WDR62: variants seen among roughly 807,000 people sequenced by gnomAD.
WDR62 encodes WD repeat domain 62.
WDR62 carries 112 observed loss-of-function variants against 160.6 expected under a neutral mutation model. The observed-to-expected ratio is 0.70, with a 90% CI of 0.60 to 0.82. The LOEUF is 0.82. WDR62 is among the 40% of genes least tolerant of loss of function. The pLI, the probability that WDR62 is intolerant of heterozygous loss-of-function variation, is 0.00. For missense variants in WDR62, 1,819 were observed against 1,983.8 expected (o/e 0.92, Z 1.58); for synonymous variants, 792 against 815.1 (o/e 0.97, Z 0.48).
At position 36,103,485 on chromosome 19, in the gene WDR62, G is replaced by A; in HGVS notation, c.3657G>A (p.Glu1219=). ...VHAPSTCSYM[E]ATASSRARIS... is the part of the protein sequence containing the mutation. ...CCCCCTCCACCTGTTCCTACATGGA[G>A]GCCACTGCCAGCTCCCGTGCCAGGA... Residue 1219 remains glutamate (E), a synonymous_variant, in exon 30 of 32, where the codon GAG becomes GAA. Coordinates refer to ENST00000401500, the MANE Select transcript of WDR62 (RefSeq NM_001083961.2). 1.2e-6 allele frequency: 2 copies of A among 1,614,138 alleles called. No individual in the cohort carries two copies. The highest frequency in any genetic ancestry group is 1.7e-6 in the Non-Finnish European group (2 of 1,180,028).
At chr19:36,100,955 G>C in intron 23 of WDR62, 80 bp downstream of exon 23, 1 of 1,605,014 alleles carries the variant, frequency 6.2e-7, no homozygotes, top group Non-Finnish European at 8.5e-7. Context: ...AGTGCTCTCT[G>C]CCTTCCCAGT....
At chr19:36,059,196 C>G (rs1420946426) in intron 2 of WDR62, 1 of 481,660 alleles carries the variant, frequency 2.1e-6, no homozygotes, top group African/African-American at 2.0e-5. Context: ...GTATGCTGCT[C>G]TCTGAGCCTC....
chr19:36,058,817 A>T lies in WDR62; in HGVS notation c.215A>T (p.Asn72Ile). 1 of 1,614,256 alleles carries T rather than the reference A, an allele frequency of 6.2e-7. No homozygotes were observed. Among genetic ancestry groups the T allele is most frequent in the Non-Finnish European group, 8.5e-7 (1 of 1,180,026 alleles). ...LEKVLGITAQ[N>I]SSGLTCDPGT... The stretch of plus-strand genomic sequence containing the variant: ...AAGGTGCTTGGCATCACAGCCCAGA[A>T]CAGCAGTGGCCTAACCTGTGACCCC... The change falls in exon 2 of 32, where the codon AAC becomes ATC. Residue 72 changes from asparagine (N) to isoleucine (I), a missense_variant. By Grantham distance (149) the Asn-to-Ile change is moderately radical (BLOSUM62 -3). This residue lies in a region of WDR62 where 934 missense variants were observed against 1,157.2 expected (regional missense o/e 0.81). Transcript: ENST00000401500.
chr19:36,088,958 C>G, intron 13 of WDR62, 80 bp from the exon 14 acceptor site: 3 of 1,500,280 alleles, frequency 2.0e-6, no homozygotes, highest in Non-Finnish European at 2.8e-6. Context: ...ATTGATGGCT[C>G]TTGCAGTGGA....
chr19:36,065,851 G>C, intron 3 of WDR62, 107 bp from the exon 4 acceptor site: 2 of 1,125,172 alleles, frequency 1.8e-6, no homozygotes, highest in Non-Finnish European at 2.7e-6. Context: ...GGCCTCTTCC[G>C]AGGCTTGGGA....
At position 36,073,414 on chromosome 19, in the gene WDR62, G is replaced by C. The variant is rs1431711468; in HGVS notation, c.1116G>C (p.Gln372His). 6.2e-7 allele frequency: 1 copy of C among 1,614,148 alleles called. No homozygotes were observed. Among genetic ancestry groups the C allele is most frequent in the Non-Finnish European group, 8.5e-7 (1 of 1,180,026 alleles). Residue 372 changes from glutamine (Q) to histidine (H), a missense_variant, in exon 9 of 32, where the codon CAG (glutamine) becomes CAC (histidine). Transcript: ENST00000401500. ...TVALTFDPIH[Q>H]WLSCVYKDHS... ...CACTGACCTTCGACCCCATCCACCA[G>C]TGGCTGTCCTGCGTGTATAAGGACC...
chr19:36,071,425 A>C (rs1379891209), intron 7 of WDR62, 131 bp from the exon 8 acceptor site: 1 of 1,018,522 alleles, frequency 9.8e-7, no homozygotes. Context: ...AAAATATGCT[A>C]AAATGGGTGT....
In WDR62 at chr19:36,055,079, C is replaced by A. The variant is rs1036006681; in HGVS notation, c.108C>A (p.Pro36=). The A allele has an allele frequency of 6.2e-7, 1 of 1,600,672 alleles. No individual in the cohort carries two copies. The highest frequency in any genetic ancestry group is 8.5e-7 in the Non-Finnish European group (1 of 1,175,054). The change falls in exon 1 of 32, where the codon CCC becomes CCA. Residue 36 remains proline, a synonymous_variant. Coordinates refer to ENST00000401500, the MANE Select transcript of WDR62 (RefSeq NM_001083961.2). Reference sequence around the variant, plus strand: ...GGAGGGGCCAGTCCTCCCCGCCCCCCGCCCCACCAATCTGCCTACGGCGGC... The same window carrying A: ...GGAGGGGCCAGTCCTCCCCGCCCCCAGCCCCACCAATCTGCCTACGGCGGC... ...PARRGQSSPP[P]APPICLRRRT...
intron 1 of WDR62, among the ~76,000 whole-genome samples, chr19:36,057,739 A>G (rs1970442114): frequency 6.6e-6 from 1 of 152,018 alleles, no homozygotes; most frequent in Non-Finnish European, 1.5e-5. Flanking sequence ...ATGGTCTCAA[A>G]CTCTTGACTG....
intron 1 of WDR62, 100 bp from the exon 2 acceptor site, chr19:36,058,679 TG>T: frequency 1.2e-6 from 1 of 839,078 alleles, no homozygotes; most frequent in Non-Finnish European, 2.0e-6. Flanking sequence ...AAGCTCAGTG[TG>T]GGTGTTGAAT....
At position 36,067,952 on chromosome 19, in the gene WDR62, C is replaced by G; in HGVS notation, c.824C>G (p.Ser275Trp). 1.9e-6 allele frequency: 3 copies of G among 1,614,154 alleles called. No individual in the cohort carries two copies. Among genetic ancestry groups the G allele is most frequent in the South Asian group, 1.1e-5 (1 of 91,076 alleles). The change falls in exon 7 of 32, where the codon TCG becomes TGG. Residue 275 changes from serine to tryptophan, a missense_variant. Transcript: ENST00000401500. ...GGCAGTACCTTCTGTGTGTCCTACT[C>G]GGGCCTCCTCTGCCAGTTCAATGAG... ...MAGSTFCVSYSGLLCQFNEKR... is the reference protein window; with the variant it reads ...MAGSTFCVSYWGLLCQFNEKR...
rs778796767 is a variant in WDR62, at chr19:36,084,659, C to T, written c.1557C>T (p.His519=). The change falls in exon 12 of 32, where the codon CAC becomes CAT. Residue 519 remains histidine (H), a synonymous_variant. Transcript: ENST00000401500. ...GGCGGTGTGTGTCTCCCAGGATCCA[C>T]GAGCTGCACTTCATGGACGAGCTGG... ...SGDRSGNLRI[H]ELHFMDELVK... 5.6e-6 allele frequency: 9 copies of T among 1,613,610 alleles called. No individual in the cohort carries two copies. The highest frequency in any genetic ancestry group is 5.0e-5 in the Admixed American group (3 of 59,980).
At chr19:36,076,064 A>T (rs181272735) in intron 9 of WDR62, 235 of 152,232 alleles carry the variant, frequency 1.5e-3, no homozygotes, top group African/African-American at 5.5e-3. Context: ...AATCTATTGT[A>T]ATTATTAACT....
In WDR62 at chr19:36,055,039, C is replaced by A; in HGVS notation, c.68C>A (p.Ala23Glu). 6.3e-7 allele frequency: 1 copy of A among 1,595,316 alleles called. No individual in the cohort carries two copies. Among genetic ancestry groups the A allele is most frequent in the Non-Finnish European group, 8.5e-7 (1 of 1,172,064 alleles). ...DAGEKLPSVM[A>E]GVPARRGQSS... is the part of the protein sequence containing the mutation. ...GGGGAGAAGCTGCCCTCTGTCATGG[C>A]GGGAGTTCCGGCGCGGAGGGGCCAG... Residue 23 changes from alanine to glutamate, a missense_variant, in exon 1 of 32, where the codon GCG becomes GAG. Physicochemically the swap from Ala to Glu is moderately radical, Grantham distance 107 (BLOSUM62 -1). Transcript: ENST00000401500.
At position 36,090,219 on chromosome 19, in the gene WDR62, G is replaced by A. The variant is rs192773552; in HGVS notation, c.1959-226G>A. ...ACCCCTTCCCAGTTCTTTCTCATGC[G>A]GTGCCAAGCACTGAGCTTGCAGTGT... On this transcript the variant is annotated intron_variant, in intron 15 of 31. Transcript: ENST00000401500. 2.7e-3 allele frequency among the ~76,000 whole-genome samples: 407 copies of A among 152,312 alleles called. 1 individual carries two copies. The highest frequency in any genetic ancestry group is 9.5e-3 in the African/African-American group (394 of 41,572).
At chr19:36,089,685 T>C (rs1972471444) in intron 15 of WDR62, among the ~76,000 whole-genome samples, 1 of 152,158 alleles carries the variant, frequency 6.6e-6, no homozygotes, top group South Asian at 2.1e-4. Context: ...TCAGGTGATA[T>C]TGCCCACCTC....
intron 9 of WDR62, among the ~76,000 whole-genome samples, chr19:36,077,163 C>T (rs1415283873): frequency 1.3e-5 from 2 of 152,046 alleles, no homozygotes; most frequent in Non-Finnish European, 2.9e-5. Flanking sequence ...AAGCAGTCCT[C>T]CCCATTCCCC....
chr19:36,103,837 C>G lies in WDR62; in HGVS notation c.4009C>G (p.Leu1337Val), dbSNP rs758502507. Reference sequence around the variant, plus strand: ...CCCTAGCCCTGTGGAAGAGAGCGCCCTGAGGCTCCACGGCTCTGCCTTTCG... The same window carrying G: ...CCCTAGCCCTGTGGAAGAGAGCGCCGTGAGGCTCCACGGCTCTGCCTTTCG... ...PAPSPVEESA[L>V]RLHGSAFRPS... The change falls in exon 30 of 32, where the codon CTG becomes GTG. Residue 1337 changes from leucine to valine, a missense_variant. Leu to Val is a conservative substitution (Grantham distance 32). Transcript: ENST00000401500. 1 of 1,605,844 alleles carries G rather than the reference C, an allele frequency of 6.2e-7. No homozygotes were observed.
intron 23 of WDR62, among the ~76,000 whole-genome samples, 155 bp from the exon 24 acceptor site, chr19:36,101,059 T>TG (rs1482241196): frequency 1.3e-5 from 2 of 151,772 alleles, no homozygotes; most frequent in Non-Finnish European, 2.9e-5. Context: ...GGGCCTGACC[T>TG]GGGGGAAGGA....
Sources: gnomAD v4.1 joint callset for allele counts (sites outside exome capture counted in the v4.1 genomes callset) on GRCh38, gnomAD v4.1.1 for gene constraint, gnomAD v4.1.1 regional missense constraint, MANE v1.5 for transcripts, NCBI Gene and HGNC (gene_info 2026-07-23, HGNC 2026-07-21) for gene names.